Variants in PTPRD observed in about 807,000 individuals in gnomAD.
The protein encoded by PTPRD is receptor-type tyrosine-protein phosphatase delta.
In PTPRD, 34 loss-of-function variants were observed where a neutral mutation model predicts 214.5. The ratio of observed to expected loss-of-function variants is 0.16; its 90% CI spans 0.12 to 0.21. The LOEUF (loss-of-function observed/expected upper bound fraction) is 0.21. Among genes scored for constraint, PTPRD ranks in the 10% least tolerant of loss-of-function variants. PTPRD has a pLI of 1.00. For synonymous variants in PTPRD, 1,128 were observed against 845.7 expected, an observed-to-expected ratio of 1.33 and a Z score of -5.79; for missense variants, 2,545 against 2,398.7, an observed-to-expected ratio of 1.06 and a Z score of -1.27.
chr9:8,549,650 G>A (rs997262640), intron 14 of PTPRD, among the ~76,000 whole-genome samples: 2 of 152,264 alleles, frequency 1.3e-5, no homozygotes, highest in Admixed American at 1.3e-4. Flanking sequence ...ATATGAGAAA[G>A]TAATGCAACT....
intron 5 of PTPRD, among the ~76,000 whole-genome samples, chr9:9,819,366 C>T (rs2761753): frequency 0.4 from 60,671 of 151,962 alleles, 13,292 homozygotes; most frequent in African/African-American, 0.58. Context: ...TGAACTTTGG[C>T]GGAGGTTTAA....
rs544666952 is a variant in PTPRD, at chr9:10,034,690, C to T, written c.-544-900G>A. Among the ~76,000 whole-genome samples, 12 of 152,142 alleles carry T rather than the reference C, an allele frequency of 7.9e-5. 1 individual carries two copies. Among genetic ancestry groups the T allele is most frequent in the African/African-American group, 2.2e-4 (9 of 41,536 alleles). ...AACATGCAGTATTTGGCTTTCTGTT[C>T]CTGCTTTAGTTTTCTAAGGATAATG... On this transcript the variant is annotated intron_variant, in intron 3 of 45. Transcript: ENST00000381196.
intron 5 of PTPRD, among the ~76,000 whole-genome samples, chr9:9,895,603 G>C (rs2074741941): frequency 6.6e-6 from 1 of 152,050 alleles, no homozygotes; most frequent in Non-Finnish European, 1.5e-5. Context: ...AGGAGAGGGA[G>C]GGTTTGGAAA....
intron 14 of PTPRD, among the ~76,000 whole-genome samples, chr9:8,618,906 G>GTTTTTTTTTTTTTTTTTTTTTTTTTTTTT (rs1270022921): frequency 1.0e-5 from 1 of 96,776 alleles, no homozygotes; most frequent in African/African-American, 3.9e-5. Context: ...GTTTGTCTGT[G>GTTTTTTTTTTTTTTTTTTTTTTTTTTTTT]TTTTTTTGTT....
chr9:9,890,517 C>G (rs1228683779), intron 5 of PTPRD, among the ~76,000 whole-genome samples: 1 of 151,988 alleles, frequency 6.6e-6, no homozygotes, highest in Admixed American at 6.6e-5. Context: ...TCATATTAAA[C>G]TTTTACTATT....
intron 4 of PTPRD, among the ~76,000 whole-genome samples, chr9:10,009,028 A>G (rs1223111613): frequency 6.6e-6 from 1 of 151,966 alleles, no homozygotes; most frequent in Non-Finnish European, 1.5e-5. Flanking sequence ...TTGTTCTCTA[A>G]TAATGAAGCA....
intron 14 of PTPRD, among the ~76,000 whole-genome samples, chr9:8,605,265 T>C (rs983169798): frequency 2.6e-5 from 4 of 152,244 alleles, no homozygotes; most frequent in Non-Finnish European, 4.4e-5. Context: ...TTAATATTTA[T>C]GTAAGCTGCA....
At chr9:8,742,665 A>G (rs915093854) in intron 11 of PTPRD, among the ~76,000 whole-genome samples, 3 of 152,236 alleles carry the variant, frequency 2.0e-5, no homozygotes, top group Non-Finnish European at 4.4e-5. Context: ...TTTGAGGAGA[A>G]TTTACCACTC....
intron 14 of PTPRD, among the ~76,000 whole-genome samples, chr9:8,567,026 C>T (rs999625821): frequency 6.6e-6 from 1 of 152,136 alleles, no homozygotes; most frequent in Non-Finnish European, 1.5e-5. Flanking sequence ...CCACCCCTCT[C>T]GAATGCTACC....
intron 11 of PTPRD, among the ~76,000 whole-genome samples, chr9:8,901,122 A>C (rs772157935): frequency 1.3e-5 from 2 of 152,164 alleles, no homozygotes; most frequent in Admixed American, 6.6e-5. Context: ...AAGGAACAGA[A>C]AAAGGAGAAG....
At chr9:10,168,209 A>G (rs1288385620) in intron 3 of PTPRD, among the ~76,000 whole-genome samples, 1 of 152,206 alleles carries the variant, frequency 6.6e-6, no homozygotes, top group African/African-American at 2.4e-5. Context: ...TTACATAATA[A>G]TGTAATAAAA....
At chr9:8,459,366 C>T (rs1193622760) in intron 33 of PTPRD, among the ~76,000 whole-genome samples, 1 of 151,930 alleles carries the variant, frequency 6.6e-6, no homozygotes, top group Non-Finnish European at 1.5e-5. Context: ...AAATATAACA[C>T]ACCACAAGGA....
At chr9:8,907,062 G>A (rs956773634) in intron 11 of PTPRD, among the ~76,000 whole-genome samples, 1 of 152,022 alleles carries the variant, frequency 6.6e-6, no homozygotes, top group Non-Finnish European at 1.5e-5. Flanking sequence ...GTATCTATCA[G>A]CAGATGACAT....
chr9:9,176,186 C>A (rs554323032), intron 10 of PTPRD, among the ~76,000 whole-genome samples: 38 of 152,270 alleles, frequency 2.5e-4, no homozygotes, highest in Non-Finnish European at 4.4e-5. Flanking sequence ...TGTCAGCTTG[C>A]TGGTCTAATT....
intron 3 of PTPRD, among the ~76,000 whole-genome samples, chr9:10,251,848 C>T (rs2092801949): frequency 6.6e-6 from 1 of 152,016 alleles, no homozygotes; most frequent in African/African-American, 2.4e-5. Flanking sequence ...TTACCAGAGG[C>T]TGAGAGGGTG....
intron 11 of PTPRD, among the ~76,000 whole-genome samples, chr9:8,777,612 A>G (rs967970517): frequency 6.6e-6 from 1 of 152,200 alleles, no homozygotes; most frequent in African/African-American, 2.4e-5. Context: ...TGAGTCATAC[A>G]TTAATTTTTG....
At chr9:9,698,270 G>T (rs1250793081) in intron 7 of PTPRD, among the ~76,000 whole-genome samples, 1 of 152,078 alleles carries the variant, frequency 6.6e-6, no homozygotes, top group East Asian at 1.9e-4. Flanking sequence ...TTCTGGGTTG[G>T]TGTTTTTACT....
At chr9:8,679,364 T>C (rs2097504372) in intron 12 of PTPRD, among the ~76,000 whole-genome samples, 2 of 152,232 alleles carry the variant, frequency 1.3e-5, no homozygotes, top group South Asian at 4.1e-4. Context: ...ATTCCTAAAC[T>C]TTCCCACAGT....
chr9:9,572,170 C>A (rs1241650575), intron 8 of PTPRD, among the ~76,000 whole-genome samples: 5 of 151,244 alleles, frequency 3.3e-5, no homozygotes, highest in Non-Finnish European at 7.4e-5. Context: ...TGCAAATATT[C>A]AGTGGTGCTC....
Sources: allele counts gnomAD v4.1 joint callset (sites outside exome capture counted in the v4.1 genomes callset), GRCh38; gene constraint gnomAD v4.1.1; transcripts MANE v1.5; gene names NCBI Gene and HGNC (gene_info 2026-07-23, HGNC 2026-07-21).